The following HEMK2 variants were observed in gnomAD, a reference collection of about 807,000 sequenced individuals.
HEMK2 encodes HemK methyltransferase 2, ETF1 glutamine and histone H4 lysine.
chr21:28,698,821 C>T, the HEMK2 span, among the ~76,000 whole-genome samples: 1 of 151,874 alleles, frequency 6.6e-6, no homozygotes, highest in Non-Finnish European at 1.5e-5. Context: ...AGATATTTTC[C>T]CTGATTAGAT....
the HEMK2 span, among the ~76,000 whole-genome samples, chr21:28,693,323 C>T: frequency 7.2e-5 from 11 of 152,154 alleles, no homozygotes; most frequent in South Asian, 2.1e-3. Context: ...GGCATAGAAG[C>T]GTGCACCATT....
At chr21:28,682,366 C>T in the HEMK2 span, among the ~76,000 whole-genome samples, 5 of 151,364 alleles carry the variant, frequency 3.3e-5, no homozygotes, top group African/African-American at 1.2e-4. Context: ...CATCTCACAC[C>T]AGTTAGAATG....
chr21:28,709,169 G>A, the HEMK2 span, among the ~76,000 whole-genome samples: 1 of 152,086 alleles, frequency 6.6e-6, no homozygotes, highest in African/African-American at 2.4e-5. Flanking sequence ...GGCCTTCATT[G>A]TCCTAATACC....
At chr21:28,885,302 C>G in the HEMK2 span, 15 of 1,588,664 alleles carry the variant, frequency 9.4e-6, no homozygotes, top group African/African-American at 1.3e-5. Flanking sequence ...GGCGCCGCGG[C>G]CCACGTGCCC....
chr21:28,805,244 T>A, the HEMK2 span, among the ~76,000 whole-genome samples: 1 of 152,236 alleles, frequency 6.6e-6, no homozygotes, highest in Non-Finnish European at 1.5e-5. Context: ...ATTTGCACTC[T>A]GACTGAAATA....
At chr21:28,653,715 T>C in the HEMK2 span, among the ~76,000 whole-genome samples, 2 of 152,198 alleles carry the variant, frequency 1.3e-5, no homozygotes, top group African/African-American at 4.8e-5. Flanking sequence ...ACAGAAATCT[T>C]GGACCCCTGA....
the HEMK2 span, among the ~76,000 whole-genome samples, chr21:28,595,164 T>C: frequency 2.0e-5 from 3 of 152,236 alleles, no homozygotes; most frequent in Admixed American, 1.3e-4. Context: ...GTTTATCCTT[T>C]GTGTTACAAA....
At chr21:28,883,151 T>C in the HEMK2 span, 39 of 909,468 alleles carry the variant, frequency 4.3e-5, no homozygotes, top group South Asian at 6.6e-4. Flanking sequence ...GTGTTATTTC[T>C]AGCATATATA....
the HEMK2 span, among the ~76,000 whole-genome samples, chr21:28,721,023 C>G: frequency 6.6e-6 from 1 of 152,172 alleles, no homozygotes; most frequent in Non-Finnish European, 1.5e-5. Context: ...AGTATAGTAG[C>G]TACCAGCAAA....
chr21:28,603,595 T>TGTGTGTGTGTG, the HEMK2 span, among the ~76,000 whole-genome samples: 1 of 58,170 alleles, frequency 1.7e-5, no homozygotes, highest in African/African-American at 6.4e-5. Context: ...GTGTGTGTGT[T>TGTGTGTGTGTG]TTAGGTTGCA....
chr21:28,873,585 G>GT, the HEMK2 span: 3 of 152,204 alleles, frequency 2.0e-5, no homozygotes, highest in South Asian at 6.2e-4. Context: ...TTAGGCTGTA[G>GT]TTTTCCATTG....
the HEMK2 span, among the ~76,000 whole-genome samples, chr21:28,763,636 T>C: frequency 6.6e-6 from 1 of 152,084 alleles, no homozygotes; most frequent in African/African-American, 2.4e-5. Context: ...AGAATGAGGA[T>C]AACCCAGTAA....
chr21:28,831,462 C>CGAAAGAACGAAAGAAA, the HEMK2 span, among the ~76,000 whole-genome samples: 2 of 23,662 alleles, frequency 8.5e-5, no homozygotes, highest in African/African-American at 1.5e-4. Flanking sequence ...AAGAAAAGAA[C>CGAAAGAACGAAAGAAA]GAAAGAAAGA....
chr21:28,789,761 A>G, the HEMK2 span, among the ~76,000 whole-genome samples: 1 of 152,212 alleles, frequency 6.6e-6, no homozygotes, highest in Non-Finnish European at 1.5e-5. Context: ...GCAGGTCTGC[A>G]AAACCACCCT....
chr21:28,855,279 G>C, the HEMK2 span, among the ~76,000 whole-genome samples: 3 of 152,092 alleles, frequency 2.0e-5, no homozygotes, highest in African/African-American at 7.2e-5. Flanking sequence ...AATTACATAA[G>C]GGTAAAGGAT....
chr21:28,811,643 C>T, the HEMK2 span, among the ~76,000 whole-genome samples: 1 of 152,182 alleles, frequency 6.6e-6, no homozygotes, highest in East Asian at 1.9e-4. Context: ...CACTCATCCT[C>T]CCCTACCCTT....
chr21:28,861,625 T>C, the HEMK2 span, among the ~76,000 whole-genome samples: 1 of 152,216 alleles, frequency 6.6e-6, no homozygotes, highest in African/African-American at 2.4e-5. Context: ...GGTCTTACCA[T>C]GTTCCCCATC....
chr21:28,781,160 G>A, the HEMK2 span, among the ~76,000 whole-genome samples: 1 of 152,084 alleles, frequency 6.6e-6, no homozygotes, highest in Non-Finnish European at 1.5e-5. Context: ...CAGGACAGCA[G>A]ATATGAAAGA....
the HEMK2 span, among the ~76,000 whole-genome samples, chr21:28,838,252 A>T: frequency 6.6e-6 from 1 of 152,150 alleles, no homozygotes; most frequent in African/African-American, 2.4e-5. Flanking sequence ...AGAAAACTAC[A>T]GGACGGGTGC....
Sources: allele counts gnomAD v4.1 joint callset (sites outside exome capture counted in the v4.1 genomes callset), GRCh38; gene constraint gnomAD v4.1.1; transcripts MANE v1.5; gene names NCBI Gene and HGNC (gene_info 2026-07-23, HGNC 2026-07-21).